The following ROBO2 variants were observed in gnomAD, a reference collection of about 807,000 sequenced individuals.
The protein encoded by ROBO2 is roundabout guidance receptor 2, also known as roundabout homolog 2.
In ROBO2, 53 loss-of-function variants were observed where a neutral mutation model predicts 160.8. The observed-to-expected ratio is 0.33, with a 90% CI of 0.26 to 0.41. The LOEUF is 0.41. ROBO2 is among the 10% of genes least tolerant of loss of function. ROBO2 has a pLI of 1.00. For synonymous variants in ROBO2, 664 were observed against 611.7 expected (o/e 1.09, Z -1.26); for missense variants, 1,577 against 1,722.4 (o/e 0.92, Z 1.49).
chr3:76,893,311 AAC>A (rs112654771), intron 2 of ROBO2, among the ~76,000 whole-genome samples: 12 of 149,154 alleles, frequency 8.0e-5, no homozygotes, highest in African/African-American at 4.9e-5. Context: ...TTTTCAAGTG[AAC>A]ACACACACAC....
chr3:77,615,868 T>G (rs919755318), intron 21 of ROBO2, among the ~76,000 whole-genome samples: 5 of 152,138 alleles, frequency 3.3e-5, no homozygotes, highest in African/African-American at 1.2e-4. Flanking sequence ...GTGAAAATAT[T>G]CAAGAATCAT....
At chr3:77,290,833 ACGGG>A in intron 2 of ROBO2, among the ~76,000 whole-genome samples, 1 of 104,674 alleles carries the variant, frequency 9.6e-6, no homozygotes, top group Non-Finnish European at 2.1e-5. Context: ...TGATGGTTAA[ACGGG>A]TAAGCTGAGG....
chr3:76,003,023 C>T (rs1304593001), intron 2 of ROBO2, among the ~76,000 whole-genome samples: 1 of 152,128 alleles, frequency 6.6e-6, no homozygotes, highest in Non-Finnish European at 1.5e-5. Context: ...CTCTATCTAT[C>T]CTTTCTTTCT....
intron 23 of ROBO2, among the ~76,000 whole-genome samples, chr3:77,627,361 C>A (rs188071522): frequency 1.2e-3 from 177 of 152,178 alleles, no homozygotes; most frequent in African/African-American, 4.2e-3. Context: ...TTCACTGCAA[C>A]CTCCGCCTCC....
intron 2 of ROBO2, among the ~76,000 whole-genome samples, chr3:75,975,475 T>TA (rs1403021446): frequency 2.0e-5 from 3 of 151,518 alleles, no homozygotes; most frequent in African/African-American, 7.2e-5. Context: ...TATATATTAA[T>TA]ATATTTCAGT....
intron 2 of ROBO2, among the ~76,000 whole-genome samples, chr3:77,254,647 C>T (rs1302315414): frequency 6.6e-6 from 1 of 152,026 alleles, no homozygotes; most frequent in African/African-American, 2.4e-5. Context: ...TGTGTTTATT[C>T]TTAATAATCT....
chr3:77,359,969 T>A (rs903950908), intron 2 of ROBO2, among the ~76,000 whole-genome samples: 1 of 152,182 alleles, frequency 6.6e-6, no homozygotes, highest in South Asian at 2.1e-4. Flanking sequence ...ATTTCAGGCA[T>A]GAGCCACTGT....
chr3:77,167,447 G>T (rs949214118), intron 2 of ROBO2, among the ~76,000 whole-genome samples: 4 of 152,024 alleles, frequency 2.6e-5, no homozygotes. Context: ...TCACTGCTAG[G>T]TATACTCTCT....
intron 2 of ROBO2, among the ~76,000 whole-genome samples, chr3:77,469,499 C>G (rs1287602128): frequency 6.6e-6 from 1 of 152,018 alleles, no homozygotes; most frequent in African/African-American, 2.4e-5. Flanking sequence ...GTTGGTAGGG[C>G]TAGGGGAATA....
chr3:77,472,842 G>C (rs573816434), intron 2 of ROBO2, among the ~76,000 whole-genome samples: 7 of 152,186 alleles, frequency 4.6e-5, no homozygotes, highest in Admixed American at 2.0e-4. Context: ...TATTGGTAAG[G>C]GTGTTGAGAG....
intron 2 of ROBO2, among the ~76,000 whole-genome samples, chr3:76,991,259 T>G (rs2060650861): frequency 6.6e-6 from 1 of 152,182 alleles, no homozygotes; most frequent in Non-Finnish European, 1.5e-5. Flanking sequence ...TAAAAAATAC[T>G]TAGTTATTTT....
At chr3:76,113,569 G>A (rs2070334692) in intron 2 of ROBO2, among the ~76,000 whole-genome samples, 1 of 152,046 alleles carries the variant, frequency 6.6e-6, no homozygotes, top group South Asian at 2.1e-4. Flanking sequence ...AATATATTGA[G>A]TCATAGGAAT....
chr3:77,330,995 T>G (rs1016697303), intron 2 of ROBO2, among the ~76,000 whole-genome samples: 4 of 152,218 alleles, frequency 2.6e-5, no homozygotes, highest in African/African-American at 9.6e-5. Context: ...TGATGTAGAC[T>G]GTGTCACTCA....
chr3:76,187,689 C>T (rs1045722745), intron 2 of ROBO2, among the ~76,000 whole-genome samples: 17 of 151,870 alleles, frequency 1.1e-4, no homozygotes, highest in Non-Finnish European at 1.9e-4. Context: ...TTTAATATTC[C>T]CCTCACCTCT....
intron 2 of ROBO2, chr3:76,434,812 T>C: frequency 6.7e-7 from 1 of 1,499,522 alleles, no homozygotes; most frequent in East Asian, 2.3e-5. Flanking sequence ...ACACATGCCC[T>C]GAATCATGTA....
At chr3:76,341,380 G>T (rs2074213322) in intron 2 of ROBO2, among the ~76,000 whole-genome samples, 1 of 143,998 alleles carries the variant, frequency 6.9e-6, no homozygotes, top group Non-Finnish European at 1.5e-5. Flanking sequence ...TGTTTCGTAT[G>T]GCCCCAGAAC....
chr3:76,996,516 G>A (rs1048772095), intron 2 of ROBO2, among the ~76,000 whole-genome samples: 1 of 152,100 alleles, frequency 6.6e-6, no homozygotes. Flanking sequence ...GATGGGGATG[G>A]CATTGAATCT....
chr3:77,219,618 A>C (rs530568909), intron 2 of ROBO2, among the ~76,000 whole-genome samples: 1 of 150,392 alleles, frequency 6.6e-6, no homozygotes, highest in South Asian at 2.1e-4. Context: ...GCATTTTACT[A>C]TTGACCATGG....
intron 2 of ROBO2, among the ~76,000 whole-genome samples, chr3:76,568,073 C>A (rs1449933544): frequency 1.3e-5 from 2 of 151,620 alleles, no homozygotes; most frequent in Non-Finnish European, 2.9e-5. Context: ...CCTTAGCCTA[C>A]CAAAGTGCTG....
Sources: allele counts gnomAD v4.1 joint callset (sites outside exome capture counted in the v4.1 genomes callset), GRCh38; gene constraint gnomAD v4.1.1; transcripts MANE v1.5; gene names NCBI Gene and HGNC (gene_info 2026-07-23, HGNC 2026-07-21).